ZFHX3: variants seen among roughly 807,000 people sequenced by gnomAD.
ZFHX3 encodes the protein zinc finger homeobox 3.
ZFHX3 carries 42 observed loss-of-function variants against 279.1 expected under a neutral mutation model. That is an observed-to-expected ratio of 0.15 (90% confidence interval 0.12 to 0.19). The LOEUF (loss-of-function observed/expected upper bound fraction) is 0.19, where lower values mean the gene tolerates loss of function less well. Ranked by LOEUF, ZFHX3 falls within the 10% of genes least tolerant of loss-of-function variation. The pLI is 1.00. For missense variants in ZFHX3, 4,981 were observed against 4,754.0 expected, an observed-to-expected ratio of 1.05 and a Z score of -1.40; for synonymous variants, 2,293 against 1,957.8, an observed-to-expected ratio of 1.17 and a Z score of -4.52.
At chr16:73,501,825 G>A (rs2143666265) in intron 2 of ZFHX3, among the ~76,000 whole-genome samples, 1 of 152,322 alleles carries the variant, frequency 6.6e-6, no homozygotes, top group East Asian at 1.9e-4. Context: ...ACCTTTGGAA[G>A]CTGTTCCTGG....
At chr16:72,913,821 C>T (rs1419310217) in intron 3 of ZFHX3, among the ~76,000 whole-genome samples, 1 of 152,174 alleles carries the variant, frequency 6.6e-6, no homozygotes, top group Non-Finnish European at 1.5e-5. Flanking sequence ...AGTTTGTTGT[C>T]TTTGTTTTGC....
intron 4 of ZFHX3, among the ~76,000 whole-genome samples, chr16:72,832,817 G>A (rs911482299): frequency 9.9e-5 from 15 of 152,206 alleles, no homozygotes; most frequent in Non-Finnish European, 1.3e-4. Flanking sequence ...CTGAGCATGT[G>A]GAAATAATAT....
intron 2 of ZFHX3, among the ~76,000 whole-genome samples, chr16:73,635,331 G>T (rs901584452): frequency 6.6e-6 from 1 of 152,244 alleles, no homozygotes; most frequent in South Asian, 2.1e-4. Context: ...AAAGCCAAAA[G>T]ACATTGAATT....
intron 2 of ZFHX3, among the ~76,000 whole-genome samples, chr16:73,665,228 T>TC (rs35773304): frequency 2.6e-5 from 4 of 151,434 alleles, no homozygotes. Flanking sequence ...TTTTTTTTTT[T>TC]GGTGAGACAG....
At chr16:73,757,333 C>G (rs1370564848) in intron 1 of ZFHX3, among the ~76,000 whole-genome samples, 1 of 152,202 alleles carries the variant, frequency 6.6e-6, no homozygotes, top group Non-Finnish European at 1.5e-5. Flanking sequence ...TGCAATACCA[C>G]TACCCATTAG....
rs138059432 is a variant in ZFHX3, at chr16:73,019,269, G to C, written c.-50+28483C>G. On this transcript the variant is annotated intron_variant, in intron 1 of 9. Transcript: ENST00000268489. Reference sequence around the variant, plus strand: ...CCCACTTTATAGTCTCAGGAAGGTGGCTCTCAGGACATGACGCCAAGCCCC... The same window carrying C: ...CCCACTTTATAGTCTCAGGAAGGTGCCTCTCAGGACATGACGCCAAGCCCC... 1.5e-3 allele frequency among the ~76,000 whole-genome samples: 232 copies of C among 152,254 alleles called. 2 individuals are homozygous for C. The highest frequency in any genetic ancestry group is 5.4e-3 in the African/African-American group (225 of 41,542).
chr16:73,238,234 C>T (rs540989940), intron 5 of ZFHX3, among the ~76,000 whole-genome samples: 3 of 152,248 alleles, frequency 2.0e-5, no homozygotes, highest in African/African-American at 7.2e-5. Context: ...TAACTGTAAA[C>T]ACTTTGTTTT....
chr16:73,291,669 G>T (rs1279645986), intron 4 of ZFHX3, among the ~76,000 whole-genome samples: 1 of 152,210 alleles, frequency 6.6e-6, no homozygotes, highest in African/African-American at 2.4e-5. Flanking sequence ...GTAAGCAGGT[G>T]TATTGCCCCT....
intron 5 of ZFHX3, among the ~76,000 whole-genome samples, chr16:73,192,551 C>G (rs1343675983): frequency 2.0e-5 from 3 of 152,166 alleles, no homozygotes; most frequent in South Asian, 2.1e-4. Flanking sequence ...TCTAATGCGT[C>G]TGAGCTGTCT....
At chr16:72,926,100 A>G (rs1250054368) in intron 3 of ZFHX3, among the ~76,000 whole-genome samples, 1 of 152,230 alleles carries the variant, frequency 6.6e-6, no homozygotes, top group Middle Eastern at 3.2e-3. Context: ...GTTTCTTTTA[A>G]TTTGGAAACA....
At chr16:73,654,592 C>T (rs1443660641) in intron 2 of ZFHX3, among the ~76,000 whole-genome samples, 3 of 151,794 alleles carry the variant, frequency 2.0e-5, no homozygotes, top group African/African-American at 7.3e-5. Context: ...ACAATTCCAG[C>T]AATTTAAAAA....
At chr16:72,905,842 C>T (rs949570534) in intron 3 of ZFHX3, among the ~76,000 whole-genome samples, 10 of 152,232 alleles carry the variant, frequency 6.6e-5, no homozygotes, top group African/African-American at 2.2e-4. Flanking sequence ...TCAATACACA[C>T]ATCACACGTA....
At chr16:73,816,516 C>T (rs949670477) in intron 1 of ZFHX3, among the ~76,000 whole-genome samples, 6 of 152,100 alleles carry the variant, frequency 3.9e-5, no homozygotes, top group Non-Finnish European at 7.4e-5. Context: ...CAGAAATAAG[C>T]AGTTATGACA....
intron 3 of ZFHX3, among the ~76,000 whole-genome samples, chr16:72,943,780 C>A (rs1175552189): frequency 6.6e-6 from 1 of 152,098 alleles, no homozygotes; most frequent in African/African-American, 2.4e-5. Flanking sequence ...GGTCCTGGGA[C>A]CCAACAACCC....
At chr16:72,969,126 AGT>A (rs1961985658) in intron 1 of ZFHX3, among the ~76,000 whole-genome samples, 1 of 152,318 alleles carries the variant, frequency 6.6e-6, no homozygotes, top group African/African-American at 2.4e-5. Context: ...AATTCGACAT[AGT>A]AACCCCCCAA....
At chr16:73,719,697 G>A (rs768162548) in intron 1 of ZFHX3, among the ~76,000 whole-genome samples, 26 of 151,760 alleles carry the variant, frequency 1.7e-4, no homozygotes, top group Non-Finnish European at 3.5e-4. Flanking sequence ...TGGGTGGCGC[G>A]ATCTCGGCTC....
chr16:73,411,531 A>C (rs752154252), intron 3 of ZFHX3, among the ~76,000 whole-genome samples: 9 of 152,232 alleles, frequency 5.9e-5, no homozygotes, highest in East Asian at 1.9e-4. Context: ...ACATTAAGTG[A>C]AATATGACCA....
At chr16:73,143,790 G>T (rs753921260) in exon 6 of ZFHX3, 4 of 1,305,128 alleles carry the variant, frequency 3.1e-6, no homozygotes, top group Admixed American at 2.3e-5. Context: ...ATCCAATAGC[G>T]CTAGGCTAGA....
chr16:73,102,160 C>T (rs1966239924), intron 7 of ZFHX3, among the ~76,000 whole-genome samples: 3 of 152,108 alleles, frequency 2.0e-5, no homozygotes, highest in Non-Finnish European at 1.5e-5. Context: ...GTGAGTCGCT[C>T]ACCTCAGCCT....
Sources: gnomAD v4.1 joint callset for allele counts (sites outside exome capture counted in the v4.1 genomes callset) on GRCh38, gnomAD v4.1.1 for gene constraint, MANE v1.5 for transcripts, NCBI Gene and HGNC (gene_info 2026-07-23, HGNC 2026-07-21) for gene names.